Variants in DGLUCY observed in about 807,000 individuals in gnomAD.
DGLUCY encodes the protein D-glutamate cyclase.
A neutral mutation model predicts 58.5 loss-of-function variants in DGLUCY; 58 were observed. The ratio of observed to expected loss-of-function variants is 0.99; its 90% CI spans 0.80 to 1.23. The LOEUF is 1.23. Among genes scored for constraint, DGLUCY ranks in the 50% most tolerant of loss-of-function variants. DGLUCY has a pLI of 0.00. For missense variants in DGLUCY, 779 were observed against 784.7 expected (o/e 0.99, Z 0.09); for synonymous variants, 325 against 314.1 (o/e 1.03, Z -0.37).
intron 1 of DGLUCY, among the ~76,000 whole-genome samples, chr14:91,134,653 C>T (rs1413145434): frequency 2.0e-5 from 3 of 151,792 alleles, no homozygotes; most frequent in African/African-American, 7.3e-5. Context: ...GCCCAGGCTG[C>T]TCTCAAGCTC....
chr14:91,214,409 G>A (rs2140723964), intron 12 of DGLUCY, among the ~76,000 whole-genome samples: 1 of 152,356 alleles, frequency 6.6e-6, no homozygotes, highest in East Asian at 1.9e-4. Context: ...TTGGGCATGT[G>A]ATGGAAAAGG....
At position 91,124,325 on chromosome 14, in the gene DGLUCY, A is replaced by G. The variant is rs536145002; in HGVS notation, c.-82+10042A>G. ...AAGGAGCTGAGCAGATGGAAGCACCATCCTCCCTCCTCCTGATGCCTCCTC... is the reference window on the plus strand; with the variant it reads ...AAGGAGCTGAGCAGATGGAAGCACCGTCCTCCCTCCTCCTGATGCCTCCTC... On this transcript the variant is annotated intron_variant, in intron 1 of 13. Transcript: ENST00000256324. Among the ~76,000 whole-genome samples the G allele has an allele frequency of 1.5e-4, 23 of 152,278 alleles. No homozygotes were observed. The East Asian group carries it at 4.2e-3, about 28-fold the overall frequency.
intron 11 of DGLUCY, among the ~76,000 whole-genome samples, chr14:91,203,683 T>G (rs1406478424): frequency 5.8e-4 from 87 of 150,274 alleles, no homozygotes; most frequent in African/African-American, 7.8e-4. Context: ...GTGTGTTTTT[T>G]TTTTTTTTTT....
chr14:91,120,046 G>A (rs1023330932), intron 1 of DGLUCY, among the ~76,000 whole-genome samples: 15 of 152,116 alleles, frequency 9.9e-5, no homozygotes, highest in African/African-American at 2.9e-4. Context: ...CCTGCTCCTC[G>A]GCTTGCAGAC....
chr14:91,128,171 A>G (rs1043274876), intron 1 of DGLUCY, among the ~76,000 whole-genome samples: 1 of 151,940 alleles, frequency 6.6e-6, no homozygotes, highest in African/African-American at 2.4e-5. Flanking sequence ...CTTGATTGCA[A>G]TTGATGTTAA....
At chr14:91,219,506 C>A (rs1887112940) in intron 13 of DGLUCY, among the ~76,000 whole-genome samples, 1 of 152,218 alleles carries the variant, frequency 6.6e-6, no homozygotes, top group Non-Finnish European at 1.5e-5. Flanking sequence ...GTGGCCTGAG[C>A]TAGTGGAAAA....
chr14:91,208,473 G>A (rs935620796), intron 12 of DGLUCY, among the ~76,000 whole-genome samples: 1 of 152,174 alleles, frequency 6.6e-6, no homozygotes, highest in East Asian at 1.9e-4. Flanking sequence ...GACAGGCCAG[G>A]CACGGTGGCT....
At chr14:91,132,687 A>T (rs2046094545) in intron 1 of DGLUCY, among the ~76,000 whole-genome samples, 1 of 151,732 alleles carries the variant, frequency 6.6e-6, no homozygotes, top group African/African-American at 2.4e-5. Flanking sequence ...CATGTTGTCC[A>T]GGGTGGTCTC....
intron 13 of DGLUCY, among the ~76,000 whole-genome samples, chr14:91,216,812 T>C (rs1018594599): frequency 6.6e-6 from 1 of 152,326 alleles, no homozygotes; most frequent in Middle Eastern, 3.4e-3. Context: ...TTTGCAGTTC[T>C]AGGTACACTC....
At chr14:91,126,457 G>A (rs957318590) in intron 1 of DGLUCY, 1 of 228,416 alleles carries the variant, frequency 4.4e-6, no homozygotes, top group Admixed American at 4.0e-5. Flanking sequence ...CCCGAAGAAT[G>A]CCTCCTCTGT....
intron 1 of DGLUCY, among the ~76,000 whole-genome samples, chr14:91,144,073 T>A (rs982410836): frequency 1.3e-5 from 2 of 152,142 alleles, no homozygotes; most frequent in African/African-American, 4.8e-5. Context: ...CCACCAGCCC[T>A]TGGGTCCAAG....
At chr14:91,184,350 C>T (rs1477392528) in intron 8 of DGLUCY, among the ~76,000 whole-genome samples, 1 of 151,328 alleles carries the variant, frequency 6.6e-6, no homozygotes, top group African/African-American at 2.4e-5. Context: ...TGAAGACCAG[C>T]CTGGCCAATG....
chr14:91,083,269 C>A (rs2140050634), intron 1 of DGLUCY, among the ~76,000 whole-genome samples: 2 of 152,306 alleles, frequency 1.3e-5, no homozygotes, highest in African/African-American at 4.8e-5. Flanking sequence ...CGTCTGTAAT[C>A]CCAGCACTTT....
At chr14:91,113,616 T>C (rs137980593), upstream of DGLUCY, among the ~76,000 whole-genome samples, 1 of 152,304 alleles carries the variant, frequency 6.6e-6, no homozygotes, top group Non-Finnish European at 1.5e-5. Flanking sequence ...GCTCAAAACA[T>C]CACCCTTGCT....
intron 1 of DGLUCY, among the ~76,000 whole-genome samples, chr14:91,102,124 T>C (rs1429842481): frequency 1.3e-5 from 2 of 152,146 alleles, no homozygotes; most frequent in African/African-American, 4.8e-5. Context: ...AATTATCACA[T>C]ATGCCTCGAA....
At chr14:91,160,064 G>A (rs1431033188) in intron 2 of DGLUCY, among the ~76,000 whole-genome samples, 3 of 152,198 alleles carry the variant, frequency 2.0e-5, no homozygotes, top group African/African-American at 7.2e-5. Context: ...GCACAGGGAA[G>A]TTTGCGTTAG....
intron 13 of DGLUCY, among the ~76,000 whole-genome samples, chr14:91,217,730 C>T (rs1465608557): frequency 6.6e-6 from 1 of 152,096 alleles, no homozygotes; most frequent in Non-Finnish European, 1.5e-5. Context: ...TCAGGTGATC[C>T]ACCTGCCTCA....
At chr14:91,223,830 C>A in intron 13 of DGLUCY, 1 of 585,240 alleles carries the variant, frequency 1.7e-6, no homozygotes, top group Non-Finnish European at 2.6e-6. Flanking sequence ...CTAAAGGAGG[C>A]ATGATGAGTA....
In DGLUCY at chr14:91,075,685, C is replaced by T. The variant is rs141386000; in HGVS notation, c.-82+14981C>T. On this transcript the variant is annotated intron_variant, in intron 1 of 4. Transcript: ENST00000521334. ...GCTGCTCCTTCCTCTTGACCAAATGCGTCTTATAATACCTGAAGTCAATGT... is the reference window on the plus strand; with the variant it reads ...GCTGCTCCTTCCTCTTGACCAAATGTGTCTTATAATACCTGAAGTCAATGT... Among the ~76,000 whole-genome samples, 319 of 152,252 alleles carry T rather than the reference C, an allele frequency of 2.1e-3. 1 individual carries two copies. The highest frequency in any genetic ancestry group is 0.014 in the Middle Eastern group (4 of 294).
Sources: allele counts gnomAD v4.1 joint callset (sites outside exome capture counted in the v4.1 genomes callset), GRCh38; gene constraint gnomAD v4.1.1; transcripts MANE v1.5; gene names NCBI Gene and HGNC (gene_info 2026-07-23, HGNC 2026-07-21).